Variants in TTBK2 observed in about 807,000 individuals in gnomAD.
TTBK2 encodes tau tubulin kinase 2, also known as tau-tubulin kinase 2.
In TTBK2, 28 loss-of-function variants were observed where a neutral mutation model predicts 110.8. The observed-to-expected ratio is 0.25, with a 90% CI of 0.19 to 0.35. TTBK2 has a LOEUF of 0.35. Ranked by LOEUF, TTBK2 falls within the 10% of genes least tolerant of loss-of-function variation. The probability of loss-of-function intolerance (pLI) is 1.00; values close to 1 mark genes in which losing one functional copy is unlikely to be tolerated. For synonymous variants in TTBK2, 532 were observed against 527.3 expected, an observed-to-expected ratio of 1.01 and a Z score of -0.12; for missense variants, 1,369 against 1,500.3, an observed-to-expected ratio of 0.91 and a Z score of 1.45.
At chr15:42,761,583 C>CA (rs201258034) in intron 13 of TTBK2, among the ~76,000 whole-genome samples, 11,572 of 104,088 alleles carry the variant, frequency 0.11, 603 homozygotes, top group Non-Finnish European at 0.15. Flanking sequence ...TCTCAACAGC[C>CA]AAAAAAAAAA....
chr15:42,895,884 A>T (rs1351905979), intron 1 of TTBK2, among the ~76,000 whole-genome samples: 1 of 151,976 alleles, frequency 6.6e-6, no homozygotes, highest in African/African-American at 2.4e-5. Flanking sequence ...CATTTTCACC[A>T]TCCCAAAACA....
At chr15:42,783,666 A>T in intron 10 of TTBK2, 31 bp from the exon 11 acceptor site, 1 of 1,529,246 alleles carries the variant, frequency 6.5e-7, no homozygotes, top group Non-Finnish European at 9.1e-7. Context: ...AAAAGGCAAG[A>T]ATCAAAAATT....
At chr15:42,871,884 C>A (rs796268682) in intron 3 of TTBK2, among the ~76,000 whole-genome samples, 1 of 152,094 alleles carries the variant, frequency 6.6e-6, no homozygotes, top group East Asian at 1.9e-4. Flanking sequence ...AACTTGGATA[C>A]GCTTGGGGCA....
chr15:42,811,804 G>C, intron 7 of TTBK2, 24 bp from the exon 8 acceptor site: 1 of 1,597,958 alleles, frequency 6.3e-7, no homozygotes, highest in Non-Finnish European at 8.6e-7. Flanking sequence ...ACAGAATCCA[G>C]TCACATAACA....
At chr15:42,758,319 C>A (rs763349305) in intron 13 of TTBK2, among the ~76,000 whole-genome samples, 27 of 152,100 alleles carry the variant, frequency 1.8e-4, no homozygotes, top group African/African-American at 6.0e-4. Flanking sequence ...TACCATAGAC[C>A]TTTTTTGTCT....
chr15:42,902,371 T>G (rs533422117), intron 1 of TTBK2, among the ~76,000 whole-genome samples: 7 of 151,634 alleles, frequency 4.6e-5, no homozygotes, highest in African/African-American at 1.7e-4. Flanking sequence ...AAATACAAAA[T>G]TAGCCGGGCA....
chr15:42,839,202 G>T (rs936766174), intron 4 of TTBK2, among the ~76,000 whole-genome samples: 5 of 152,060 alleles, frequency 3.3e-5, no homozygotes, highest in African/African-American at 1.2e-4. Flanking sequence ...TGCAGTATTT[G>T]GTTTTCTATT....
At chr15:42,879,414 AAAAG>A (rs1359956971) in intron 1 of TTBK2, among the ~76,000 whole-genome samples, 2 of 152,156 alleles carry the variant, frequency 1.3e-5, no homozygotes, top group Non-Finnish European at 2.9e-5. Flanking sequence ...TTGTTTTTTA[AAAAG>A]AAAGAAAGAA....
intron 1 of TTBK2, among the ~76,000 whole-genome samples, chr15:42,896,756 C>T (rs935305465): frequency 6.6e-6 from 1 of 152,064 alleles, no homozygotes; most frequent in African/African-American, 2.4e-5. Flanking sequence ...GATCACACCA[C>T]TGCACTCCAG....
At chr15:42,836,640 A>C (rs968410891) in intron 4 of TTBK2, among the ~76,000 whole-genome samples, 1 of 152,208 alleles carries the variant, frequency 6.6e-6, no homozygotes, top group Non-Finnish European at 1.5e-5. Context: ...GTTTCCCAGT[A>C]CCAGGAGCCT....
chr15:42,840,493 T>C, intron 3 of TTBK2, 60 bp from the exon 4 acceptor site: 2 of 1,459,532 alleles, frequency 1.4e-6, no homozygotes, highest in Non-Finnish European at 1.9e-6. Context: ...AAAAAATTAA[T>C]AATTTGCTTT....
intron 13 of TTBK2, among the ~76,000 whole-genome samples, chr15:42,771,468 C>G (rs1427589984): frequency 6.6e-6 from 1 of 152,120 alleles, no homozygotes; most frequent in Admixed American, 6.5e-5. Flanking sequence ...CTTTTCATTG[C>G]CAACCTGACA....
chr15:42,878,818 G>A, intron 1 of TTBK2, 134 bp from the exon 2 acceptor site: 1 of 1,180,126 alleles, frequency 8.5e-7, no homozygotes, highest in East Asian at 2.7e-5. Context: ...AGGGGAAAAA[G>A]ACCTAGAAAT....
At chr15:42,790,007 G>A (rs1191512567) in intron 10 of TTBK2, among the ~76,000 whole-genome samples, 1 of 151,976 alleles carries the variant, frequency 6.6e-6, no homozygotes. Flanking sequence ...TTTTCAACAA[G>A]GGCACCAAAA....
intron 6 of TTBK2, among the ~76,000 whole-genome samples, chr15:42,818,478 G>A (rs528475850): frequency 1.7e-4 from 26 of 152,208 alleles, no homozygotes; most frequent in Non-Finnish European, 3.2e-4. Context: ...CCAGCACTTT[G>A]GGAGGCTGAG....
chr15:42,746,147 C>A lies in TTBK2; in HGVS notation c.3383G>T (p.Cys1128Phe). The A allele has an allele frequency of 6.2e-7, 1 of 1,614,158 alleles. No homozygotes were observed. Among genetic ancestry groups the A allele is most frequent in the Non-Finnish European group, 8.5e-7 (1 of 1,180,038 alleles). Residue 1128 changes from cysteine to phenylalanine, a missense_variant, in exon 15 of 15, where the codon TGC (cysteine) becomes TTC (phenylalanine). Transcript: ENST00000267890. ...GSQKPRSTTQCKSPGSPHNPK... is the reference protein window; with the variant it reads ...GSQKPRSTTQFKSPGSPHNPK... ...ATTGTGAGGAGATCCTGGACTCTTG[C>A]ACTGAGTAGTGCTCCGGGGTTTCTG...
intron 6 of TTBK2, among the ~76,000 whole-genome samples, chr15:42,817,365 T>C (rs1362376848): frequency 6.6e-6 from 1 of 152,200 alleles, no homozygotes; most frequent in African/African-American, 2.4e-5. Context: ...TTATGACATC[T>C]ATACAATTCT....
chr15:42,773,214 T>TA (rs1246663167), intron 13 of TTBK2, among the ~76,000 whole-genome samples: 4 of 151,728 alleles, frequency 2.6e-5, no homozygotes, highest in Non-Finnish European at 4.4e-5. Flanking sequence ...AAAATAGAAA[T>TA]AAAAAACTGA....
chr15:42,883,208 C>T (rs753006850), intron 1 of TTBK2, among the ~76,000 whole-genome samples: 3 of 151,584 alleles, frequency 2.0e-5, no homozygotes, highest in Non-Finnish European at 1.5e-5. Flanking sequence ...ATGGAGAAAC[C>T]CCGTCTCTTC....
Sources: allele counts gnomAD v4.1 joint callset (sites outside exome capture counted in the v4.1 genomes callset), GRCh38; gene constraint gnomAD v4.1.1; transcripts MANE v1.5; gene names NCBI Gene and HGNC (gene_info 2026-07-23, HGNC 2026-07-21).